Variants in SLC25A13 observed in about 807,000 individuals in gnomAD.
The protein encoded by SLC25A13 is electrogenic aspartate/glutamate antiporter SLC25A13, mitochondrial.
A neutral mutation model predicts 85.5 loss-of-function variants in SLC25A13; 70 were observed. That is an observed-to-expected ratio of 0.82 (90% CI 0.68 to 1.00). The LOEUF (loss-of-function observed/expected upper bound fraction) is 1.00, where lower values mean the gene tolerates loss of function less well. Ranked by LOEUF, SLC25A13 falls within the 50% of genes least tolerant of loss-of-function variation. The pLI, the probability that SLC25A13 is intolerant of heterozygous loss-of-function variation, is 0.00. For missense variants in SLC25A13, 765 were observed against 819.8 expected (o/e 0.93, Z 0.82); for synonymous variants, 259 against 288.7 (o/e 0.90, Z 1.04).
intron 13 of SLC25A13, 173 bp downstream of exon 13, chr7:96,169,872 T>C (rs555253153): frequency 5.9e-6 from 4 of 678,088 alleles, no homozygotes; most frequent in African/African-American, 3.6e-5. Context: ...CATTTACCCT[T>C]CCACCTCTGG....
chr7:96,180,614 C>T (rs1224130745), intron 11 of SLC25A13, among the ~76,000 whole-genome samples: 1 of 152,254 alleles, frequency 6.6e-6, no homozygotes, highest in Non-Finnish European at 1.5e-5. Flanking sequence ...CAGGCATAAG[C>T]CACCGTACCC....
At chr7:96,277,634 G>A (rs1027323496) in intron 2 of SLC25A13, among the ~76,000 whole-genome samples, 7 of 152,270 alleles carry the variant, frequency 4.6e-5, no homozygotes, top group African/African-American at 1.7e-4. Flanking sequence ...AGCAGGTAGA[G>A]GCCAGGGATG....
At chr7:96,123,752 A>G (rs1791613726) in intron 15 of SLC25A13, among the ~76,000 whole-genome samples, 1 of 152,198 alleles carries the variant, frequency 6.6e-6, no homozygotes, top group African/African-American at 2.4e-5. Flanking sequence ...GTTAACCTGG[A>G]GAACTGCACC....
In SLC25A13 at chr7:96,322,051, C is replaced by G; in HGVS notation, c.-95G>C. ...TCACTTCTAGTCCCGGCGGCGGCGG[C>G]GGTGGGGGCGGCGATACGGCCAGGC... On this transcript the variant is annotated 5_prime_UTR_variant, in exon 1 of 18. Coordinates refer to ENST00000265631, the MANE Select transcript of SLC25A13 (RefSeq NM_014251.3). The G allele has an allele frequency of 7.0e-7, 1 of 1,424,332 alleles. No homozygotes were observed. Among genetic ancestry groups the G allele is most frequent in the South Asian group, 1.3e-5 (1 of 77,912 alleles). 88.2% of individuals were successfully genotyped at this position (1,424,332 alleles called of 1,614,324 possible).
chr7:96,212,837 A>G (rs553147178), intron 4 of SLC25A13, among the ~76,000 whole-genome samples: 6 of 152,306 alleles, frequency 3.9e-5, no homozygotes, highest in African/African-American at 1.4e-4. Flanking sequence ...CTGCAGGGAA[A>G]AAAAGGCCTG....
intron 1 of SLC25A13, 29 bp downstream of exon 1, chr7:96,321,913 G>C: frequency 1.3e-6 from 2 of 1,525,234 alleles, no homozygotes; most frequent in Non-Finnish European, 1.8e-6. Flanking sequence ...CGGCAGGCGC[G>C]CTCCCCCCGG....
At chr7:96,196,009 T>C (rs1369223040) in intron 5 of SLC25A13, among the ~76,000 whole-genome samples, 1 of 152,232 alleles carries the variant, frequency 6.6e-6, no homozygotes, top group African/African-American at 2.4e-5. Flanking sequence ...TCTACTTACA[T>C]TTATACATGC....
intron 3 of SLC25A13, among the ~76,000 whole-genome samples, chr7:96,237,279 G>A (rs1796780412): frequency 6.6e-6 from 1 of 152,188 alleles, no homozygotes; most frequent in Non-Finnish European, 1.5e-5. Context: ...CAAATGGACC[G>A]ACTTTGGTTT....
At chr7:96,198,750 G>A (rs974261596) in intron 5 of SLC25A13, among the ~76,000 whole-genome samples, 1 of 152,122 alleles carries the variant, frequency 6.6e-6, no homozygotes, top group Non-Finnish European at 1.5e-5. Flanking sequence ...TAGGAAAAGA[G>A]ACTTTAAGAA....
At chr7:96,286,918 C>T (rs1416211222) in intron 2 of SLC25A13, among the ~76,000 whole-genome samples, 2 of 152,200 alleles carry the variant, frequency 1.3e-5, no homozygotes, top group South Asian at 2.1e-4. Flanking sequence ...GTGAAGGCTG[C>T]AATGAAGCTC....
chr7:96,278,423 A>G (rs1349031088), intron 2 of SLC25A13, among the ~76,000 whole-genome samples: 1 of 152,216 alleles, frequency 6.6e-6, no homozygotes, highest in Admixed American at 6.5e-5. Flanking sequence ...TGTTATTTCT[A>G]CATTTTAATT....
chr7:96,285,224 G>C (rs1798841311), intron 2 of SLC25A13, among the ~76,000 whole-genome samples: 1 of 152,008 alleles, frequency 6.6e-6, no homozygotes, highest in South Asian at 2.1e-4. Context: ...ACTCTATCTT[G>C]CCATTCTCCA....
intron 4 of SLC25A13, among the ~76,000 whole-genome samples, chr7:96,224,720 G>A (rs577221039): frequency 3.3e-5 from 5 of 152,238 alleles, no homozygotes; most frequent in South Asian, 4.1e-4. Flanking sequence ...AAAAAAAATC[G>A]TAACTAATGC....
At chr7:96,257,463 A>G (rs1797683440) in intron 3 of SLC25A13, among the ~76,000 whole-genome samples, 1 of 152,252 alleles carries the variant, frequency 6.6e-6, no homozygotes, top group East Asian at 1.9e-4. Context: ...TAGAAAATCT[A>G]GAAGAAATGG....
intron 4 of SLC25A13, among the ~76,000 whole-genome samples, chr7:96,224,409 C>T (rs561990460): frequency 6.6e-6 from 1 of 152,250 alleles, no homozygotes; most frequent in African/African-American, 2.4e-5. Context: ...CCCTGACAAC[C>T]ACCCTCCCAA....
intron 9 of SLC25A13, among the ~76,000 whole-genome samples, chr7:96,187,507 T>C (rs1444863755): frequency 6.6e-6 from 1 of 152,186 alleles, no homozygotes; most frequent in Admixed American, 6.5e-5. Flanking sequence ...TTTTGACAGA[T>C]GCATCCAAAA....
chr7:96,155,922 G>A (rs930824807), intron 13 of SLC25A13, among the ~76,000 whole-genome samples: 1 of 152,220 alleles, frequency 6.6e-6, no homozygotes, highest in African/African-American at 2.4e-5. Context: ...ATGTGAACGC[G>A]ACTTGCCCAA....
At chr7:96,132,018 G>C in intron 14 of SLC25A13, 137 bp from the exon 15 acceptor site, 1 of 1,116,566 alleles carries the variant, frequency 9.0e-7, no homozygotes, top group Non-Finnish European at 1.3e-6. Flanking sequence ...AAGGGGAACA[G>C]AAAAAAATAA....
At chr7:96,184,077 T>C (rs745613542) in intron 11 of SLC25A13, among the ~76,000 whole-genome samples, 200 bp downstream of exon 11, 2 of 152,194 alleles carry the variant, frequency 1.3e-5, no homozygotes, top group Non-Finnish European at 2.9e-5. Context: ...CAGAGCACTA[T>C]AAATAATTTT....
Sources: allele counts gnomAD v4.1 joint callset (sites outside exome capture counted in the v4.1 genomes callset), GRCh38; gene constraint gnomAD v4.1.1; transcripts MANE v1.5; gene names NCBI Gene and HGNC (gene_info 2026-07-23, HGNC 2026-07-21).